The following HPRT1 variants were observed in gnomAD, a reference collection of about 807,000 sequenced individuals.
The protein encoded by HPRT1 is hypoxanthine phosphoribosyltransferase 1, also known as hypoxanthine-guanine phosphoribosyltransferase.
In HPRT1, 4 loss-of-function variants were observed where a neutral mutation model predicts 19.0. The observed-to-expected ratio is 0.21, with a 90% CI of 0.10 to 0.48. The LOEUF (loss-of-function observed/expected upper bound fraction) is 0.48. HPRT1 is among the 20% of genes least tolerant of loss of function. HPRT1 has a pLI of 0.98. For synonymous variants in HPRT1, 53 were observed against 54.9 expected (o/e 0.97, Z 0.15); for missense variants, 65 against 164.0 (o/e 0.40, Z 3.30).
chrX:134,491,986 CATAT>C (rs749685603), intron 5 of HPRT1, among the ~76,000 whole-genome samples: 5 of 87,918 alleles, frequency 5.7e-5, no homozygotes, highest in Admixed American at 4.0e-4. Context: ...AATATATATA[CATAT>C]ATATATATAC....
chrX:134,498,788 G>T (rs2077687990), intron 8 of HPRT1, 104 bp downstream of exon 8: 1 of 579,415 alleles, frequency 1.7e-6, no homozygotes, highest in Non-Finnish European at 3.0e-6. Flanking sequence ...TGAACAGACT[G>T]ATGGTTCCCA....
rs17885455 is a variant in HPRT1, at chrX:134,486,341, C to A, written c.319-124C>A. The A allele has an allele frequency of 6.2e-3, 1,959 of 318,441 alleles. 40 individuals carry two copies. Among genetic ancestry groups the A allele is most frequent in the African/African-American group, 0.05 (1,766 of 35,507 alleles). 26.2% of individuals were successfully genotyped at this position (318,441 alleles called of 1,213,427 possible). ...AATATCATAATGCTATGGATATTAG[C>A]TAGCTAACTTCTCAAATCTTCTAGT... On this transcript the variant is annotated intron_variant, in intron 3 of 8. Transcript: ENST00000298556.
chrX:134,493,379 C>T, intron 5 of HPRT1, 129 bp from the exon 6 acceptor site: 1 of 534,981 alleles, frequency 1.9e-6, no homozygotes, highest in Non-Finnish European at 3.4e-6. Context: ...TCCAGAATAT[C>T]TCCATGTAGA....
chrX:134,470,888 C>T (rs2077608624), intron 1 of HPRT1, among the ~76,000 whole-genome samples: 1 of 103,863 alleles, frequency 9.6e-6, no homozygotes, highest in East Asian at 3.0e-4. Context: ...GGCAACATAG[C>T]GAGACTTCGT....
chrX:134,492,280 C>T (rs1161753649), intron 5 of HPRT1, among the ~76,000 whole-genome samples: 1 of 109,397 alleles, frequency 9.1e-6, no homozygotes, highest in East Asian at 2.8e-4. Flanking sequence ...AACATTTTGC[C>T]ATATTTGCTT....
intron 1 of HPRT1, among the ~76,000 whole-genome samples, chrX:134,470,321 C>A (rs1163957475): frequency 8.9e-6 from 1 of 111,822 alleles, no homozygotes; most frequent in African/African-American, 3.2e-5. Flanking sequence ...GAAGTTCCAC[C>A]AAAGTCTGAG....
intron 1 of HPRT1, among the ~76,000 whole-genome samples, chrX:134,462,639 G>C (rs1047507063): frequency 8.9e-6 from 1 of 112,044 alleles, no homozygotes; most frequent in Non-Finnish European, 1.9e-5. Context: ...TTTTAGCTTT[G>C]GGGTGTGATG....
intron 5 of HPRT1, among the ~76,000 whole-genome samples, chrX:134,491,372 G>A (rs1314946474): frequency 1.8e-5 from 2 of 111,147 alleles, no homozygotes; most frequent in Non-Finnish European, 3.8e-5. Context: ...TTGCCAAATT[G>A]TATGGATAGA....
At position 134,486,538 on chromosome X, in the gene HPRT1, T is replaced by G; in HGVS notation, c.384+8T>G. ...TCAACTTTAACTGGAAAGGTATGTA[T>G]CTTGAAAGGGAAGAAAAAAAAGCAC... is the stretch of plus-strand genomic sequence containing the variant. On this transcript the variant is annotated splice_region_variant and intron_variant, in intron 4 of 8. Coordinates refer to ENST00000298556, the MANE Select transcript of HPRT1 (RefSeq NM_000194.3). 9.1e-7 allele frequency: 1 copy of G among 1,097,009 alleles called. No homozygotes were observed. Among genetic ancestry groups the G allele is most frequent in the Non-Finnish European group, 1.3e-6 (1 of 794,174 alleles). 90.4% of individuals were successfully genotyped at this position (1,097,009 alleles called of 1,213,427 possible).
intron 2 of HPRT1, among the ~76,000 whole-genome samples, chrX:134,474,403 C>T (rs2077618221): frequency 9.7e-6 from 1 of 102,720 alleles, no homozygotes; most frequent in South Asian, 4.4e-4. Flanking sequence ...GAGTACCTTT[C>T]TCTTCACAAT....
chrX:134,478,567 T>C (rs2077631570), intron 3 of HPRT1, among the ~76,000 whole-genome samples: 1 of 111,691 alleles, frequency 9.0e-6, no homozygotes, highest in Non-Finnish European at 1.9e-5. Flanking sequence ...AGTTCGAGAC[T>C]GAGTGGAATG....
At chrX:134,487,595 C>T (rs769401164) in intron 4 of HPRT1, among the ~76,000 whole-genome samples, 1 of 112,135 alleles carries the variant, frequency 8.9e-6, no homozygotes, top group East Asian at 2.8e-4. Flanking sequence ...AATTTGAATA[C>T]AGACCTGACT....
Position 134,486,458 on chromosome X carries a change from T to TA in HPRT1, c.319-5dup. On this transcript the variant is annotated splice_polypyrimidine_tract_variant and splice_region_variant and intron_variant, in intron 3 of 8. Transcript: ENST00000298556. ...ATATATATATAGTTTTTTTTTTTTT[T>TA]AACTAGAATGACCAGTCAACAGGGG... The TA allele has an allele frequency of 1.9e-6, 2 of 1,038,317 alleles. No homozygotes were observed. The highest frequency in any genetic ancestry group is 2.6e-6 in the Non-Finnish European group (2 of 763,386). The allele number at this position is 1,038,317 out of a possible 1,213,427, so 85.6% of individuals were successfully genotyped here.
chrX:134,483,412 G>A (rs1338356990), intron 3 of HPRT1, among the ~76,000 whole-genome samples: 1 of 111,644 alleles, frequency 9.0e-6, no homozygotes, highest in Admixed American at 9.6e-5. Context: ...GACTGAAGAG[G>A]TAGACAAAAT....
intron 3 of HPRT1, among the ~76,000 whole-genome samples, chrX:134,476,291 A>G (rs775046353): frequency 1.2e-4 from 13 of 112,288 alleles, no homozygotes; most frequent in Non-Finnish European, 1.9e-4. Flanking sequence ...CCTGTAGGTG[A>G]TTGGGCAGCC....
intron 1 of HPRT1, among the ~76,000 whole-genome samples, chrX:134,461,916 G>A (rs1452327670): frequency 8.9e-6 from 1 of 111,983 alleles, no homozygotes; most frequent in Admixed American, 9.5e-5. Context: ...TTTTTATTCA[G>A]TTGCTGAGGA....
chrX:134,486,400 A>G, intron 3 of HPRT1, 65 bp from the exon 4 acceptor site: 1 of 559,408 alleles, frequency 1.8e-6, no homozygotes, highest in Non-Finnish European at 2.7e-6. Context: ...TGTGTACATA[A>G]GGATATACAT....
At chrX:134,475,090 G>A in intron 2 of HPRT1, 91 bp from the exon 3 acceptor site, 1 of 719,957 alleles carries the variant, frequency 1.4e-6, no homozygotes, top group Non-Finnish European at 2.2e-6. Context: ...ATATTGCCCA[G>A]GTTGGTGTGG....
intron 3 of HPRT1, among the ~76,000 whole-genome samples, chrX:134,475,881 G>A (rs1415709145): frequency 2.7e-5 from 3 of 111,942 alleles, no homozygotes; most frequent in East Asian, 5.6e-4. Flanking sequence ...CAGTCTGCCT[G>A]TGTCACACAA....
Sources: gnomAD v4.1 joint callset for allele counts (sites outside exome capture counted in the v4.1 genomes callset) on GRCh38, gnomAD v4.1.1 for gene constraint, MANE v1.5 for transcripts, NCBI Gene and HGNC (gene_info 2026-07-23, HGNC 2026-07-21) for gene names.